The following KMT2C variants were observed in gnomAD, a reference collection of about 807,000 sequenced individuals.
The protein encoded by KMT2C is lysine methyltransferase 2C, also known as histone-lysine N-methyltransferase 2C.
KMT2C carries 88 observed loss-of-function variants against 507.9 expected under a neutral mutation model. That is an observed-to-expected ratio of 0.17 (90% CI 0.15 to 0.21). The LOEUF is 0.21. KMT2C is among the 10% of genes least tolerant of loss of function. The pLI, the probability that KMT2C is intolerant of heterozygous loss-of-function variation, is 1.00. For missense variants in KMT2C, 4,954 were observed against 5,957.8 expected, an observed-to-expected ratio of 0.83 and a Z score of 5.55; for synonymous variants, 2,049 against 2,080.8, an observed-to-expected ratio of 0.98 and a Z score of 0.42.
At chr7:152,284,256 G>A (rs1405059261) in intron 6 of KMT2C, among the ~76,000 whole-genome samples, 3 of 152,048 alleles carry the variant, frequency 2.0e-5, no homozygotes, top group Non-Finnish European at 2.9e-5. Flanking sequence ...GGTAAAAGGA[G>A]AGACAAATAA....
intron 1 of KMT2C, among the ~76,000 whole-genome samples, chr7:152,398,684 G>A (rs957109481): frequency 6.6e-6 from 1 of 151,328 alleles, no homozygotes; most frequent in African/African-American, 2.4e-5. Context: ...ATAAGCGTGA[G>A]CCCCCTGCAC....
chr7:152,223,252 G>A (rs1353739765), intron 20 of KMT2C, among the ~76,000 whole-genome samples: 1 of 151,912 alleles, frequency 6.6e-6, no homozygotes, highest in Non-Finnish European at 1.5e-5. Flanking sequence ...TGAAAGCAAG[G>A]AAACATTCTT....
intron 24 of KMT2C, among the ~76,000 whole-genome samples, chr7:152,205,865 C>A (rs1433698191): frequency 1.3e-5 from 2 of 152,136 alleles, no homozygotes; most frequent in Non-Finnish European, 2.9e-5. Context: ...TATTAACCGG[C>A]TAACTGGTAC....
chr7:152,405,096 C>G (rs1589776099), intron 1 of KMT2C, among the ~76,000 whole-genome samples: 1 of 152,166 alleles, frequency 6.6e-6, no homozygotes, highest in African/African-American at 2.4e-5. Flanking sequence ...GCAAGCCACC[C>G]GCCTTGGCCT....
intron 2 of KMT2C, among the ~76,000 whole-genome samples, chr7:152,352,961 T>C (rs1279453338): frequency 4.6e-5 from 7 of 152,222 alleles, no homozygotes; most frequent in Middle Eastern, 3.2e-3. Context: ...AACTGAATTA[T>C]AATTAGCTAA....
At chr7:152,323,112 T>C (rs1244394314) in intron 3 of KMT2C, among the ~76,000 whole-genome samples, 1 of 151,838 alleles carries the variant, frequency 6.6e-6, no homozygotes, top group Non-Finnish European at 1.5e-5. Context: ...TGGAAAATGG[T>C]AAAGAGGTTC....
intron 1 of KMT2C, among the ~76,000 whole-genome samples, chr7:152,421,693 A>G (rs1033356747): frequency 1.3e-5 from 2 of 152,216 alleles, no homozygotes; most frequent in Non-Finnish European, 2.9e-5. Context: ...CACTAAGTAC[A>G]TGTGGACACA....
At chr7:152,433,826 G>C (rs1030261298) in intron 1 of KMT2C, among the ~76,000 whole-genome samples, 1 of 152,286 alleles carries the variant, frequency 6.6e-6, no homozygotes, top group African/African-American at 2.4e-5. Context: ...CATTTCAAAA[G>C]TAGGGTGTGT....
chr7:152,186,933 C>T (rs1450370064), intron 33 of KMT2C, among the ~76,000 whole-genome samples: 1 of 152,012 alleles, frequency 6.6e-6, no homozygotes, highest in African/African-American at 2.4e-5. Context: ...TTTAGCCTAG[C>T]AGTATTTTTG....
chr7:152,377,163 T>A (rs2097335195), intron 1 of KMT2C, among the ~76,000 whole-genome samples: 2 of 152,080 alleles, frequency 1.3e-5, no homozygotes, highest in African/African-American at 4.8e-5. Context: ...CTAATCTGCT[T>A]GCTGTCTACA....
At chr7:152,345,865 C>CA (rs967467970) in intron 2 of KMT2C, among the ~76,000 whole-genome samples, 1 of 151,684 alleles carries the variant, frequency 6.6e-6, no homozygotes, top group African/African-American at 2.4e-5. Flanking sequence ...ATATTGTCTA[C>CA]AAAAAAACCC....
chr7:152,277,196 G>A (rs1428544412), intron 6 of KMT2C, among the ~76,000 whole-genome samples: 2 of 152,136 alleles, frequency 1.3e-5, no homozygotes, highest in Non-Finnish European at 2.9e-5. Context: ...TTTAGGCTAC[G>A]TGCTCTAATA....
Position 152,217,322 on chromosome 7 carries a change from G to A in KMT2C, c.3712+3201C>T, listed in dbSNP as rs532151149. On this transcript the variant is annotated intron_variant, in intron 23 of 58. Transcript: ENST00000262189. ...GGGTGTGTGTGTACATGTAGTTTCA[G>A]GATAATATAGTAATCTAAAACATTT... 4.6e-5 allele frequency among the ~76,000 whole-genome samples: 7 copies of A among 152,242 alleles called. No individual in the cohort carries two copies. The East Asian group carries it at 1.2e-3, about 25-fold the overall frequency.
intron 6 of KMT2C, among the ~76,000 whole-genome samples, chr7:152,297,091 G>GAGAGAGAA (rs1554623107): frequency 6.8e-6 from 1 of 147,284 alleles, no homozygotes; most frequent in Admixed American, 6.8e-5. Flanking sequence ...GAGAGAGAGA[G>GAGAGAGAA]AGAAAGAAAG....
chr7:152,157,765 T>C (rs781162805), intron 44 of KMT2C: 2 of 1,262,696 alleles, frequency 1.6e-6, no homozygotes, highest in South Asian at 1.4e-5. Flanking sequence ...ACATACCTTG[T>C]AGATCAACTG....
In KMT2C at chr7:152,251,967, C is replaced by T. The variant is rs772543165; in HGVS notation, c.1593G>A (p.Glu531=). Residue 531 remains glutamate (E), a synonymous_variant, in exon 11 of 59, where the codon GAG becomes GAA. Coordinates refer to ENST00000262189, the MANE Select transcript of KMT2C (RefSeq NM_170606.3). ...TAGTGAGCTCAGCTATCTCCACTTCCTCACCTGGCTGTAAACGATCCATCT... is the reference window on the plus strand; with the variant it reads ...TAGTGAGCTCAGCTATCTCCACTTCTTCACCTGGCTGTAAACGATCCATCT... ...GAEMDRLQPG[E]EVEIAELTTD... is the part of the protein sequence containing the mutation. 9 of 1,610,864 alleles carry T rather than the reference C, an allele frequency of 5.6e-6. No individual in the cohort carries two copies. The East Asian group carries it at 1.3e-4, about 24-fold the overall frequency.
rs769592355 is a variant in KMT2C, at chr7:152,180,921, A to T, written c.6939T>A (p.Phe2313Leu). 5 of 1,614,190 alleles carry T rather than the reference A, an allele frequency of 3.1e-6. No homozygotes were observed. The highest frequency in any genetic ancestry group is 3.4e-6 in the Non-Finnish European group (4 of 1,180,034). Residue 2313 changes from phenylalanine (F) to leucine (L), a missense_variant, in exon 36 of 59, where the codon TTT (phenylalanine) becomes TTA (leucine). Coordinates refer to ENST00000262189, the MANE Select transcript of KMT2C (RefSeq NM_170606.3). ...PMTPRSQSDS[F>L]GTSQTAHDVA... is the part of the protein sequence containing the mutation. ...CATCATGGGCAGTTTGACTTGTTCC[A>T]AAAGAGTCAGACTGAGATCTTGGAG...
At chr7:152,315,112 CA>C (rs1351503230) in intron 4 of KMT2C, 25 bp downstream of exon 4, 13 of 1,588,114 alleles carry the variant, frequency 8.2e-6, no homozygotes, top group Non-Finnish European at 1.1e-5. Flanking sequence ...TAATCTATTC[CA>C]ACATTTAAAG....
At chr7:152,363,246 GT>G (rs2097211159) in intron 1 of KMT2C, among the ~76,000 whole-genome samples, 1 of 152,074 alleles carries the variant, frequency 6.6e-6, no homozygotes, top group African/African-American at 2.4e-5. Flanking sequence ...CCTTCTTTGG[GT>G]TTTCTTCGTT....
Sources: allele counts gnomAD v4.1 joint callset (sites outside exome capture counted in the v4.1 genomes callset), GRCh38; gene constraint gnomAD v4.1.1; transcripts MANE v1.5; gene names NCBI Gene and HGNC (gene_info 2026-07-23, HGNC 2026-07-21).